Variants in RIMS1 observed in about 807,000 individuals in gnomAD.
RIMS1 encodes the protein regulating synaptic membrane exocytosis 1.
Under a neutral mutation model 214.1 loss-of-function variants are expected in RIMS1, and 83 were observed. The ratio of observed to expected loss-of-function variants is 0.39; its 90% CI spans 0.32 to 0.47. The LOEUF is 0.47. Among genes scored for constraint, RIMS1 ranks in the 20% least tolerant of loss-of-function variants. The probability of loss-of-function intolerance (pLI) is 0.99; values close to 1 mark genes in which losing one functional copy is unlikely to be tolerated. For missense variants in RIMS1, 2,050 were observed against 2,161.8 expected, an observed-to-expected ratio of 0.95 and a Z score of 1.03; for synonymous variants, 793 against 786.8, an observed-to-expected ratio of 1.01 and a Z score of -0.13.
intron 6 of RIMS1, among the ~76,000 whole-genome samples, chr6:72,226,254 A>G (rs1425564524): frequency 6.6e-6 from 1 of 152,110 alleles, no homozygotes; most frequent in Non-Finnish European, 1.5e-5. Context: ...GGCATTGAAC[A>G]TCATGGTGTT....
intron 4 of RIMS1, among the ~76,000 whole-genome samples, chr6:72,175,533 C>A (rs1017824640): frequency 3.9e-5 from 6 of 152,016 alleles, no homozygotes; most frequent in South Asian, 4.2e-4. Flanking sequence ...ATTAGCTGGG[C>A]GTGGGGGCAG....
At chr6:72,105,208 A>G (rs1483639515) in intron 4 of RIMS1, among the ~76,000 whole-genome samples, 2 of 152,180 alleles carry the variant, frequency 1.3e-5, no homozygotes, top group Admixed American at 6.6e-5. Flanking sequence ...TACTGGAATT[A>G]TAAGTGTGAG....
chr6:71,997,410 A>C (rs2151685563), intron 2 of RIMS1, among the ~76,000 whole-genome samples: 1 of 152,326 alleles, frequency 6.6e-6, no homozygotes, highest in Non-Finnish European at 1.5e-5. Flanking sequence ...AAAAGCCATA[A>C]AATAAAATAG....
At chr6:72,266,401 G>C in intron 22 of RIMS1, 1 of 315,076 alleles carries the variant, frequency 3.2e-6, no homozygotes, top group Non-Finnish European at 6.1e-6. Context: ...TGAATTATCC[G>C]AAGGGGAGGA....
At chr6:72,125,323 G>C (rs1367793556) in intron 4 of RIMS1, among the ~76,000 whole-genome samples, 2 of 152,190 alleles carry the variant, frequency 1.3e-5, no homozygotes, top group African/African-American at 2.4e-5. Flanking sequence ...CTGCAGAACA[G>C]CAAATATTGC....
intron 29 of RIMS1, among the ~76,000 whole-genome samples, chr6:72,340,397 C>G (rs1451122429): frequency 6.6e-6 from 1 of 151,658 alleles, no homozygotes; most frequent in Non-Finnish European, 1.5e-5. Flanking sequence ...AGGTTTTCTT[C>G]TAGGGTTTTT....
chr6:72,060,817 G>A (rs754851739), intron 2 of RIMS1, among the ~76,000 whole-genome samples: 3 of 152,132 alleles, frequency 2.0e-5, no homozygotes, highest in Non-Finnish European at 4.4e-5. Flanking sequence ...AATTATGTGT[G>A]ACCAAGGCTT....
At chr6:72,259,148 TTTTG>T in intron 18 of RIMS1, 37 bp downstream of exon 18, 1 of 1,580,794 alleles carries the variant, frequency 6.3e-7, no homozygotes, top group Non-Finnish European at 8.7e-7. Context: ...GTTATGAATT[TTTTG>T]TTCTGTTTTA....
At chr6:72,007,663 A>G (rs978778944) in intron 2 of RIMS1, among the ~76,000 whole-genome samples, 3 of 152,238 alleles carry the variant, frequency 2.0e-5, no homozygotes, top group Non-Finnish European at 4.4e-5. Flanking sequence ...TGGCATGAGA[A>G]CTACGTGACG....
chr6:72,196,373 G>GTTTGTCTATCTATCTATCTA (rs1183303526), intron 6 of RIMS1, among the ~76,000 whole-genome samples: 1 of 102,358 alleles, frequency 9.8e-6, no homozygotes, highest in Admixed American at 1.1e-4. Context: ...CTGTCTGTCT[G>GTTTGTCTATCTATCTATCTA]TCTGTCTATC....
chr6:72,160,811 C>T (rs567229859), intron 4 of RIMS1, among the ~76,000 whole-genome samples: 8 of 140,554 alleles, frequency 5.7e-5, no homozygotes, highest in East Asian at 4.0e-4. Flanking sequence ...ATTTTTGTAT[C>T]GATGTTCATC....
chr6:72,147,707 T>C (rs144495541), intron 4 of RIMS1, among the ~76,000 whole-genome samples: 4 of 152,322 alleles, frequency 2.6e-5, no homozygotes, highest in South Asian at 2.1e-4. Flanking sequence ...ACCTATAGCT[T>C]GAATATCCAC....
At chr6:72,318,391 A>G (rs565666945) in intron 28 of RIMS1, among the ~76,000 whole-genome samples, 10 of 152,266 alleles carry the variant, frequency 6.6e-5, no homozygotes, top group African/African-American at 2.2e-4. Context: ...TCAAGTATAT[A>G]AATTTTGTTA....
At chr6:72,383,750 A>G (rs952183402) in intron 29 of RIMS1, among the ~76,000 whole-genome samples, 4 of 152,120 alleles carry the variant, frequency 2.6e-5, no homozygotes, top group Admixed American at 1.3e-4. Flanking sequence ...TGATCACACC[A>G]CTGCACTCCA....
intron 6 of RIMS1, among the ~76,000 whole-genome samples, chr6:72,212,479 A>G (rs562790388): frequency 6.6e-6 from 1 of 152,306 alleles, no homozygotes; most frequent in South Asian, 2.1e-4. Context: ...AAATATTTCA[A>G]GAAGAAACAA....
intron 4 of RIMS1, among the ~76,000 whole-genome samples, chr6:72,177,148 T>G (rs1323145005): frequency 6.6e-6 from 1 of 152,170 alleles, no homozygotes; most frequent in Non-Finnish European, 1.5e-5. Context: ...TTTTAGAAAC[T>G]TTGTAATTGT....
At chr6:71,902,198 G>C (rs1338136568) in intron 1 of RIMS1, among the ~76,000 whole-genome samples, 6 of 152,070 alleles carry the variant, frequency 3.9e-5, no homozygotes, top group Non-Finnish European at 7.4e-5. Context: ...CCTTCTGTCT[G>C]TTTCTATTTT....
At chr6:71,887,285 G>T in intron 1 of RIMS1, 98 bp downstream of exon 1, 1 of 1,475,120 alleles carries the variant, frequency 6.8e-7, no homozygotes, top group East Asian at 2.5e-5. Flanking sequence ...TGGGGAAGGG[G>T]CTGCCAGGGT....
chr6:72,269,353 G>A (rs1157711990), intron 22 of RIMS1, among the ~76,000 whole-genome samples: 1 of 152,074 alleles, frequency 6.6e-6, no homozygotes, highest in Non-Finnish European at 1.5e-5. Flanking sequence ...GTCCTATAAA[G>A]ATAGGTATTT....
Sources: allele counts gnomAD v4.1 joint callset (sites outside exome capture counted in the v4.1 genomes callset), GRCh38; gene constraint gnomAD v4.1.1; transcripts MANE v1.5; gene names NCBI Gene and HGNC (gene_info 2026-07-23, HGNC 2026-07-21).